Variants in ANKRD36C observed in about 807,000 individuals in gnomAD.
ANKRD36C encodes ankyrin repeat domain-containing protein 36C.
A neutral mutation model predicts 276.4 loss-of-function variants in ANKRD36C; 61 were observed. That is an observed-to-expected ratio of 0.22 (90% confidence interval 0.18 to 0.27). The LOEUF (loss-of-function observed/expected upper bound fraction) is 0.27, where lower values mean the gene tolerates loss of function less well. ANKRD36C is among the 10% of genes least tolerant of loss of function. ANKRD36C has a pLI of 1.00. For synonymous variants in ANKRD36C, 483 were observed against 680.1 expected (o/e 0.71, Z 4.51); for missense variants, 1,447 against 2,032.3 (o/e 0.71, Z 5.54).
intron 12 of ANKRD36C, among the ~76,000 whole-genome samples, chr2:95,957,354 T>C (rs1394907014): frequency 6.6e-6 from 1 of 152,306 alleles, no homozygotes; most frequent in East Asian, 1.9e-4. Context: ...GCCTGACAAT[T>C]CAGCAGGTAC....
At chr2:95,974,612 T>C (rs544490162) in intron 6 of ANKRD36C, among the ~76,000 whole-genome samples, 1 of 152,286 alleles carries the variant, frequency 6.6e-6, no homozygotes, top group East Asian at 1.9e-4. Context: ...CATGATGTTA[T>C]ATAAAAGACG....
At chr2:95,854,959 A>T (rs1402045600) in intron 63 of ANKRD36C, among the ~76,000 whole-genome samples, 2 of 152,144 alleles carry the variant, frequency 1.3e-5, no homozygotes, top group Non-Finnish European at 2.9e-5. Flanking sequence ...TCATGGTCTT[A>T]AAATGTTGCA....
intron 45 of ANKRD36C, 21 bp downstream of exon 65, chr2:95,891,811 T>C (rs767990448): frequency 3.3e-5 from 52 of 1,559,394 alleles, no homozygotes; most frequent in African/African-American, 9.6e-5. Flanking sequence ...TAGTTCACAA[T>C]ATAAATGACA....
intron 58 of ANKRD36C, among the ~76,000 whole-genome samples, chr2:95,876,827 C>CTG (rs1675968205): frequency 7.6e-6 from 1 of 131,474 alleles, no homozygotes; most frequent in African/African-American, 2.9e-5. Flanking sequence ...CACCTCCAGC[C>CTG]TGGGTGGCAG....
At chr2:95,959,765 A>C (rs901596729) in intron 10 of ANKRD36C, among the ~76,000 whole-genome samples, 5 of 152,206 alleles carry the variant, frequency 3.3e-5, no homozygotes, top group Non-Finnish European at 5.9e-5. Flanking sequence ...TCATTTGACT[A>C]ACTGATAACA....
At chr2:95,851,012 T>G (rs1675281770), downstream of ANKRD36C, among the ~76,000 whole-genome samples, 1 of 152,222 alleles carries the variant, frequency 6.6e-6, no homozygotes, top group South Asian at 2.1e-4. Flanking sequence ...CTATGAATGT[T>G]TATGTTTTCA....
At chr2:95,918,662 A>T (rs527586069) in intron 34 of ANKRD36C, among the ~76,000 whole-genome samples, 3 of 151,670 alleles carry the variant, frequency 2.0e-5, no homozygotes, top group Non-Finnish European at 3.0e-5. Context: ...TCTTGGATCC[A>T]CTAGTTTATC....
intron 24 of ANKRD36C, among the ~76,000 whole-genome samples, chr2:95,930,893 G>A (rs1039209300): frequency 2.0e-5 from 3 of 151,410 alleles, no homozygotes; most frequent in African/African-American, 7.3e-5. Flanking sequence ...CTTCTAGGGA[G>A]AAGAAATGAG....
At chr2:95,870,564 A>G (rs998411625) in intron 59 of ANKRD36C, among the ~76,000 whole-genome samples, 1 of 152,196 alleles carries the variant, frequency 6.6e-6, no homozygotes, top group Non-Finnish European at 1.5e-5. Flanking sequence ...AAAGATGGGG[A>G]AAAAACAGAG....
intron 6 of ANKRD36C, among the ~76,000 whole-genome samples, chr2:95,973,726 C>G (rs551167186): frequency 4.5e-4 from 69 of 152,178 alleles, no homozygotes; most frequent in African/African-American, 1.6e-3. Flanking sequence ...GCCAATAGGA[C>G]TTTAAACTCA....
At chr2:95,891,364 T>G (rs1459355955) in intron 46 of ANKRD36C, among the ~76,000 whole-genome samples, 1 of 151,422 alleles carries the variant, frequency 6.6e-6, no homozygotes, top group East Asian at 2.0e-4. Flanking sequence ...CCACCCTTAC[T>G]GAAAACAAGC....
intron 59 of ANKRD36C, among the ~76,000 whole-genome samples, chr2:95,869,645 T>C (rs959320724): frequency 5.3e-5 from 8 of 151,896 alleles, no homozygotes; most frequent in African/African-American, 1.7e-4. Flanking sequence ...CACTAAAGAG[T>C]GCCAGACAGT....
rs776635642 is a variant in ANKRD36C at position 95,855,322 on chromosome 2, A to G, written c.4939T>C (p.Leu1647=). 4.3e-6 allele frequency: 7 copies of G among 1,609,544 alleles called. No homozygotes were observed. In the Admixed American group the frequency reaches 5.1e-5, roughly 12 times the overall value. The change falls in exon 63 of 67, where the codon TTG becomes CTG. Residue 1647 remains leucine, a synonymous_variant. Transcript: ENST00000456556. ...CATTTTTTTTCTTTCGAATGATTCA[A>G]TTCATTCACCAACATTTTATTGTCT...
At chr2:95,871,516 G>A (rs1240392300) in intron 59 of ANKRD36C, among the ~76,000 whole-genome samples, 3 of 152,004 alleles carry the variant, frequency 2.0e-5, no homozygotes, top group Admixed American at 2.0e-4. Flanking sequence ...CCTGAAGGAA[G>A]CACTAAACGT....
intron 6 of ANKRD36C, among the ~76,000 whole-genome samples, chr2:95,977,727 A>T (rs2104531107): frequency 6.6e-6 from 1 of 152,272 alleles, no homozygotes; most frequent in East Asian, 1.9e-4. Context: ...TTCAAGGGCC[A>T]ACTGTAATTA....
At chr2:95,960,866 C>T (rs796538184) in intron 8 of ANKRD36C, among the ~76,000 whole-genome samples, 199 bp from the exon 9 acceptor site, 1 of 138,848 alleles carries the variant, frequency 7.2e-6, no homozygotes, top group African/African-American at 2.7e-5. Flanking sequence ...ACGCAACAAA[C>T]ACTTCCAATT....
At chr2:95,913,911 A>G (rs919257172) in intron 40 of ANKRD36C, among the ~76,000 whole-genome samples, 197 bp downstream of exon 42, 1 of 151,470 alleles carries the variant, frequency 6.6e-6, no homozygotes, top group Non-Finnish European at 1.5e-5. Flanking sequence ...ATGTGGGGAA[A>G]TGTATAATCT....
At chr2:95,925,721 G>A (rs1417930021) in intron 28 of ANKRD36C, among the ~76,000 whole-genome samples, 174 bp from the exon 29 acceptor site, 2 of 151,468 alleles carry the variant, frequency 1.3e-5, no homozygotes, top group Non-Finnish European at 3.0e-5. Flanking sequence ...GAAGAAAATA[G>A]GAATACACGC....
intron 10 of ANKRD36C, among the ~76,000 whole-genome samples, chr2:95,959,748 A>C (rs1038696821): frequency 5.3e-5 from 8 of 152,204 alleles, no homozygotes; most frequent in Non-Finnish European, 1.0e-4. Context: ...GCATATTTAC[A>C]TTTATCTCAT....
Sources: allele counts gnomAD v4.1 joint callset (sites outside exome capture counted in the v4.1 genomes callset), GRCh38; gene constraint gnomAD v4.1.1; transcripts MANE v1.5; gene names NCBI Gene and HGNC (gene_info 2026-07-23, HGNC 2026-07-21).